Variants in TMEM184B observed in about 807,000 individuals in gnomAD.
The protein encoded by TMEM184B is transmembrane protein 184B, also known as putative MAPK-activating protein FM08.
TMEM184B carries 17 observed loss-of-function variants against 41.8 expected under a neutral mutation model. The observed-to-expected ratio is 0.41, with a 90% CI of 0.28 to 0.61. TMEM184B has a LOEUF of 0.61. Ranked by LOEUF, TMEM184B falls within the 20% of genes least tolerant of loss-of-function variation. The pLI is 0.34. For synonymous variants in TMEM184B, 240 were observed against 229.5 expected (o/e 1.05, Z -0.41); for missense variants, 393 against 557.8 (o/e 0.70, Z 2.98).
At chr22:38,229,192 T>C (rs529502612) in intron 5 of TMEM184B, among the ~76,000 whole-genome samples, 25 of 152,244 alleles carry the variant, frequency 1.6e-4, no homozygotes, top group Non-Finnish European at 3.4e-4. Flanking sequence ...GTGGGTTTCA[T>C]GTACTTTCGT....
chr22:38,245,050 C>A (rs1030950567), intron 3 of TMEM184B, among the ~76,000 whole-genome samples: 1 of 152,232 alleles, frequency 6.6e-6, no homozygotes, highest in Non-Finnish European at 1.5e-5. Context: ...ACATCCAGAA[C>A]CAAGTCCCCG....
At position 38,225,573 on chromosome 22, in the gene TMEM184B, T is replaced by C. The variant is rs780040885; in HGVS notation, c.638A>G (p.Tyr213Cys). 3 of 1,606,190 alleles carry C rather than the reference T, an allele frequency of 1.9e-6. No individual in the cohort carries two copies. Among genetic ancestry groups the C allele is most frequent in the Non-Finnish European group, 2.5e-6 (3 of 1,176,910 alleles). The change falls in exon 7 of 9, where the codon TAC becomes TGC. Residue 213 changes from tyrosine (Y) to cysteine (C), a missense_variant. Around this residue, in one of 2 missense-constraint regions of TMEM184B, gnomAD observed 271 missense variants for 434.1 expected, o/e 0.62. Coordinates refer to ENST00000361906, the MANE Select transcript of TMEM184B (RefSeq NM_012264.5). The surrounding 1 kb of genome is among the most constrained non-coding windows in gnomAD (Gnocchi z 4.4). ...GDFDVTSGYLYVTIIYNISVS... is the reference protein window; with the variant it reads ...GDFDVTSGYLCVTIIYNISVS... Reference sequence around the variant, plus strand: ...GGAGATGTTGTAGATGATGGTCACGTAGAGGTAGCCACTGGTGACGCTGCG... The same window carrying C: ...GGAGATGTTGTAGATGATGGTCACGCAGAGGTAGCCACTGGTGACGCTGCG...
chr22:38,244,164 G>A (rs982255002), intron 3 of TMEM184B, among the ~76,000 whole-genome samples: 2 of 152,084 alleles, frequency 1.3e-5, no homozygotes, highest in African/African-American at 4.8e-5. Flanking sequence ...AAACCTAAAG[G>A]CATTTCCTGT....
At chr22:38,250,236 A>G (rs946728602) in intron 1 of TMEM184B, among the ~76,000 whole-genome samples, 1 of 152,242 alleles carries the variant, frequency 6.6e-6, no homozygotes, top group Admixed American at 6.5e-5. Context: ...GTCTGTCTGC[A>G]CTGCCCGCCT....
chr22:38,232,471 A>G (rs2091659862), intron 3 of TMEM184B, among the ~76,000 whole-genome samples: 1 of 152,116 alleles, frequency 6.6e-6, no homozygotes, highest in Admixed American at 6.5e-5. Flanking sequence ...AGTGTGGAGA[A>G]GGCGGGGGAA....
At chr22:38,271,590 G>T (rs997779741) in intron 1 of TMEM184B, among the ~76,000 whole-genome samples, 1 of 151,440 alleles carries the variant, frequency 6.6e-6, no homozygotes, top group Non-Finnish European at 1.5e-5. Context: ...CCCCCTCCCC[G>T]GGAACTGAAC....
At chr22:38,263,610 A>G (rs1376995404) in intron 1 of TMEM184B, among the ~76,000 whole-genome samples, 1 of 152,218 alleles carries the variant, frequency 6.6e-6, no homozygotes, top group Non-Finnish European at 1.5e-5. Flanking sequence ...TAAGGCAACA[A>G]TGACGAACCT....
intron 3 of TMEM184B, chr22:38,231,762 C>T (rs1327318735): frequency 1.1e-5 from 4 of 353,146 alleles, no homozygotes; most frequent in Non-Finnish European, 2.2e-5. Flanking sequence ...GCTACTGCTG[C>T]GGCAGGAGGA....
At chr22:38,272,379 G>T in intron 1 of TMEM184B, 1 of 746,008 alleles carries the variant, frequency 1.3e-6, no homozygotes. Context: ...TTCCAAACCT[G>T]CGGACCTGTG....
chr22:38,249,209 G>A (rs549152639), intron 1 of TMEM184B, among the ~76,000 whole-genome samples: 2 of 152,332 alleles, frequency 1.3e-5, no homozygotes, highest in South Asian at 4.1e-4. Flanking sequence ...GAGTGCAATG[G>A]TGCAATCTCG....
chr22:38,233,045 T>A (rs957161462), intron 3 of TMEM184B, among the ~76,000 whole-genome samples: 1 of 152,174 alleles, frequency 6.6e-6, no homozygotes, highest in African/African-American at 2.4e-5. Flanking sequence ...CAGGTGCCAC[T>A]CATGGCACAC....
In TMEM184B at chr22:38,225,673, C is replaced by T; in HGVS notation, c.618-80G>A. On this transcript the variant is annotated intron_variant, in intron 6 of 8. Coordinates refer to ENST00000361906, the MANE Select transcript of TMEM184B (RefSeq NM_012264.5). This position sits in a 1 kb window ranked among gnomAD's most constrained non-coding sequence, Gnocchi z 4.4. ...CTCCTCGACTGCACCACACACAGTC[C>T]CCATGGCTCTCAGCCCCACACCTCC... 7.0e-7 allele frequency: 1 copy of T among 1,435,788 alleles called. No homozygotes were observed. 88.9% of individuals were successfully genotyped at this position (1,435,788 alleles called of 1,614,324 possible).
At chr22:38,243,218 A>G (rs1019499841) in intron 3 of TMEM184B, among the ~76,000 whole-genome samples, 5 of 152,178 alleles carry the variant, frequency 3.3e-5, no homozygotes, top group Non-Finnish European at 5.9e-5. Flanking sequence ...CTCCCCGGGC[A>G]GGGAGGCAGG....
chr22:38,230,558 G>T (rs980913165), intron 5 of TMEM184B, 111 bp downstream of exon 5: 32 of 1,072,454 alleles, frequency 3.0e-5, no homozygotes, highest in Non-Finnish European at 4.3e-5. Flanking sequence ...GGGGCCTGGG[G>T]TGCCTCATAG....
At chr22:38,240,800 C>G (rs1445010219) in intron 3 of TMEM184B, among the ~76,000 whole-genome samples, 2 of 141,812 alleles carry the variant, frequency 1.4e-5, no homozygotes, top group East Asian at 4.3e-4. Flanking sequence ...GGATCAAATA[C>G]AGCAGACTTT....
At chr22:38,232,850 G>GTTCT (rs1472487897) in intron 3 of TMEM184B, among the ~76,000 whole-genome samples, 1 of 152,174 alleles carries the variant, frequency 6.6e-6, no homozygotes. Context: ...GATCCCAGAG[G>GTTCT]TTCTAGCACC....
chr22:38,272,331 G>A (rs998547479), intron 1 of TMEM184B, among the ~76,000 whole-genome samples: 1 of 152,156 alleles, frequency 6.6e-6, no homozygotes, highest in Non-Finnish European at 1.5e-5. Flanking sequence ...CCCTTTGGGG[G>A]CAAACATCTT....
intron 3 of TMEM184B, among the ~76,000 whole-genome samples, chr22:38,240,095 T>G (rs1431880109): frequency 1.3e-5 from 2 of 152,116 alleles, no homozygotes; most frequent in African/African-American, 4.8e-5. Context: ...GCTGGTATTT[T>G]AAGCCCTTCT....
rs745619822 is a variant in TMEM184B, at chr22:38,224,990, AG to A, written c.788-12del. ...TGGCCAGGAGCATGCCTGGATGGGG[AG>A]GCACGGGTGTCTGGACCCAGAATGA... On this transcript the variant is annotated splice_polypyrimidine_tract_variant and intron_variant, in intron 7 of 8. Transcript: ENST00000361906. 1 of 1,544,438 alleles carries A rather than the reference AG, an allele frequency of 6.5e-7. No individual in the cohort carries two copies. The highest frequency in any genetic ancestry group is 8.7e-7 in the Non-Finnish European group (1 of 1,144,158).
Sources: gnomAD v4.1 joint callset for allele counts (sites outside exome capture counted in the v4.1 genomes callset) on GRCh38, gnomAD v4.1.1 for gene constraint, gnomAD v4.1.1 regional missense constraint, Gnocchi (gnomAD v3.1) non-coding constraint, MANE v1.5 for transcripts, NCBI Gene and HGNC (gene_info 2026-07-23, HGNC 2026-07-21) for gene names.